The following SAMD5 variants were observed in gnomAD, a reference collection of about 807,000 sequenced individuals.
The protein encoded by SAMD5 is sterile alpha motif domain-containing protein 5.
Under a neutral mutation model 11.3 loss-of-function variants are expected in SAMD5, and 13 were observed. The ratio of observed to expected loss-of-function variants is 1.15; its 90% CI spans 0.75 to 1.83. SAMD5 has a LOEUF of 1.83. Among genes scored for constraint, SAMD5 ranks in the 40% most tolerant of loss-of-function variants. The pLI, the probability that SAMD5 is intolerant of heterozygous loss-of-function variation, is 0.00. For synonymous variants in SAMD5, 129 were observed against 111.3 expected (o/e 1.16, Z -1.00); for missense variants, 255 against 239.1 (o/e 1.07, Z -0.44).
intron 1 of SAMD5, among the ~76,000 whole-genome samples, chr6:147,604,112 C>T (rs926301136): frequency 6.6e-6 from 1 of 152,008 alleles, no homozygotes; most frequent in African/African-American, 2.4e-5. Flanking sequence ...TTGTTTCTAA[C>T]ACGAAGACTG....
intron 1 of SAMD5, among the ~76,000 whole-genome samples, chr6:147,723,257 G>A (rs543167157): frequency 6.6e-6 from 1 of 152,236 alleles, no homozygotes; most frequent in East Asian, 1.9e-4. Flanking sequence ...CAAAACTCAG[G>A]TAGGAGTTTT....
At chr6:147,703,313 C>A (rs548942255) in intron 1 of SAMD5, among the ~76,000 whole-genome samples, 133 of 152,314 alleles carry the variant, frequency 8.7e-4, no homozygotes, top group African/African-American at 2.9e-3. Context: ...CTCAGGTGAT[C>A]TGCCCACCTC....
chr6:147,607,310 A>C (rs1789718388), intron 1 of SAMD5, among the ~76,000 whole-genome samples: 1 of 152,172 alleles, frequency 6.6e-6, no homozygotes, highest in Non-Finnish European at 1.5e-5. Flanking sequence ...CAATGACATA[A>C]TTCACAGAAA....
At chr6:147,903,395 A>T in the SAMD5 span, among the ~76,000 whole-genome samples, 1 of 152,086 alleles carries the variant, frequency 6.6e-6, no homozygotes, top group Non-Finnish European at 1.5e-5. Flanking sequence ...ACATCTTCTG[A>T]TTGTAACACT....
the SAMD5 span, among the ~76,000 whole-genome samples, chr6:147,858,901 A>C: frequency 6.6e-6 from 1 of 152,234 alleles, no homozygotes; most frequent in African/African-American, 2.4e-5. Flanking sequence ...CATGGAGTCA[A>C]AAGTCCCTCT....
At chr6:147,558,731 C>G (rs1190856794) in intron 1 of SAMD5, among the ~76,000 whole-genome samples, 1 of 152,014 alleles carries the variant, frequency 6.6e-6, no homozygotes, top group African/African-American at 2.4e-5. Flanking sequence ...ATGTGTGGGC[C>G]CACTGACCCA....
At chr6:147,598,651 G>A (rs879837497) in intron 1 of SAMD5, among the ~76,000 whole-genome samples, 4 of 152,140 alleles carry the variant, frequency 2.6e-5, no homozygotes, top group East Asian at 1.9e-4. Flanking sequence ...CAGACATCTC[G>A]TTCTCCTCTT....
At chr6:147,900,713 A>G in the SAMD5 span, among the ~76,000 whole-genome samples, 3 of 152,234 alleles carry the variant, frequency 2.0e-5, no homozygotes, top group Non-Finnish European at 4.4e-5. Context: ...CGCCTATTCA[A>G]ACACAGCAGG....
At chr6:147,908,783 A>G in the SAMD5 span, among the ~76,000 whole-genome samples, 1 of 152,180 alleles carries the variant, frequency 6.6e-6, no homozygotes, top group Non-Finnish European at 1.5e-5. Context: ...TGCTTACCCA[A>G]TTCAAACCCT....
At chr6:147,729,665 C>A (rs1791680549) in intron 1 of SAMD5, 1 of 407,396 alleles carries the variant, frequency 2.5e-6, no homozygotes, top group East Asian at 7.3e-5. Context: ...CAAGGGAGGA[C>A]TCAAAGAGAA....
chr6:147,790,565 T>G, the SAMD5 span, among the ~76,000 whole-genome samples: 1 of 152,164 alleles, frequency 6.6e-6, no homozygotes, highest in Non-Finnish European at 1.5e-5. Flanking sequence ...TCAATTTGAC[T>G]GGATTAACAA....
intron 1 of SAMD5, among the ~76,000 whole-genome samples, chr6:147,595,912 C>G (rs9497815): frequency 0.043 from 6,552 of 152,130 alleles, 428 homozygotes; most frequent in African/African-American, 0.14. Context: ...ATAACAGGGG[C>G]CCTATATACA....
chr6:147,810,921 G>A, the SAMD5 span, among the ~76,000 whole-genome samples: 1 of 152,120 alleles, frequency 6.6e-6, no homozygotes, highest in Non-Finnish European at 1.5e-5. Context: ...TCAAGAAGCT[G>A]ATATCTAACT....
Position 147,555,007 on chromosome 6 carries a change from A to T in SAMD5, c.460-9387A>T, listed in dbSNP as rs567830083. Among the ~76,000 whole-genome samples the T allele has an allele frequency of 1.8e-4, 28 of 152,324 alleles. 1 individual carries two copies. Among genetic ancestry groups the T allele is most frequent in the Middle Eastern group, 3.4e-3 (1 of 294 alleles). On this transcript the variant is annotated intron_variant, in intron 1 of 1. Coordinates refer to ENST00000367474, the MANE Select transcript of SAMD5 (RefSeq NM_001030060.3). ...AGCACAAAAGCAACAGTGGATAAAA[A>T]TGTTAACGTCGACCTGTGTTAGTAC...
intron 1 of SAMD5, among the ~76,000 whole-genome samples, chr6:147,678,721 T>C (rs1790899580): frequency 6.6e-6 from 1 of 152,196 alleles, no homozygotes; most frequent in South Asian, 2.1e-4. Context: ...TGGGAGTTCA[T>C]GGAAGAGGGA....
intron 1 of SAMD5, among the ~76,000 whole-genome samples, chr6:147,641,007 T>C (rs368307478): frequency 6.6e-6 from 1 of 152,268 alleles, no homozygotes; most frequent in Non-Finnish European, 1.5e-5. Flanking sequence ...AATTGCATAA[T>C]AGTAAGTTTG....
intron 1 of SAMD5, chr6:147,729,935 A>AT: frequency 2.3e-6 from 1 of 425,708 alleles, no homozygotes; most frequent in South Asian, 1.7e-5. Flanking sequence ...AAATACAGAA[A>AT]TTAGCCAGGT....
At chr6:147,789,186 A>G in the SAMD5 span, among the ~76,000 whole-genome samples, 18 of 152,114 alleles carry the variant, frequency 1.2e-4, no homozygotes, top group African/African-American at 4.1e-4. Context: ...GGATTGCTTA[A>G]GCCCAAGGAG....
the SAMD5 span, among the ~76,000 whole-genome samples, chr6:147,898,105 T>C: frequency 6.6e-6 from 1 of 152,008 alleles, no homozygotes; most frequent in African/African-American, 2.4e-5. Context: ...CAAATCTTAA[T>C]TTCTATGACT....
Sources: gnomAD v4.1 joint callset for allele counts (sites outside exome capture counted in the v4.1 genomes callset) on GRCh38, gnomAD v4.1.1 for gene constraint, MANE v1.5 for transcripts, NCBI Gene and HGNC (gene_info 2026-07-23, HGNC 2026-07-21) for gene names.